Variants in DYNC1LI1 observed in about 807,000 individuals in gnomAD.
DYNC1LI1 encodes dynein cytoplasmic 1 light intermediate chain 1, also known as cytoplasmic dynein 1 light intermediate chain 1.
In DYNC1LI1, 19 loss-of-function variants were observed where a neutral mutation model predicts 63.8. That is an observed-to-expected ratio of 0.30 (90% CI 0.21 to 0.44). DYNC1LI1 has a LOEUF of 0.44. Ranked by LOEUF, DYNC1LI1 falls within the 20% of genes least tolerant of loss-of-function variation. The pLI, the probability that DYNC1LI1 is intolerant of heterozygous loss-of-function variation, is 1.00. For synonymous variants in DYNC1LI1, 225 were observed against 232.3 expected, an observed-to-expected ratio of 0.97 and a Z score of 0.28; for missense variants, 565 against 630.2, an observed-to-expected ratio of 0.90 and a Z score of 1.11.
intron 2 of DYNC1LI1, among the ~76,000 whole-genome samples, chr3:32,560,455 A>C (rs538936863): frequency 8.5e-4 from 130 of 152,134 alleles, no homozygotes; most frequent in African/African-American, 2.9e-3. Flanking sequence ...AATAAAATGA[A>C]TTCCAGCTCA....
At chr3:32,564,083 T>G (rs1413860687) in intron 2 of DYNC1LI1, among the ~76,000 whole-genome samples, 1 of 152,226 alleles carries the variant, frequency 6.6e-6, no homozygotes, top group African/African-American at 2.4e-5. Context: ...GGAGGATCAC[T>G]TTAGCCCAGG....
At chr3:32,554,553 C>T (rs1444803759) in intron 2 of DYNC1LI1, among the ~76,000 whole-genome samples, 1 of 152,166 alleles carries the variant, frequency 6.6e-6, no homozygotes, top group East Asian at 1.9e-4. Context: ...GAGGCCAAGG[C>T]TACAGTCACA....
intron 5 of DYNC1LI1, 89 bp downstream of exon 5, chr3:32,540,947 TA>T: frequency 1.1e-6 from 1 of 912,306 alleles, no homozygotes; most frequent in Non-Finnish European, 1.6e-6. Flanking sequence ...CTAGGAGAAC[TA>T]ATGTGTTAAC....
At chr3:32,529,405 T>C in intron 11 of DYNC1LI1, 135 bp downstream of exon 11, 1 of 710,536 alleles carries the variant, frequency 1.4e-6, no homozygotes, top group Non-Finnish European at 2.1e-6. Flanking sequence ...AACTATGAGA[T>C]TATATATCCA....
At chr3:32,550,877 C>G (rs1698028403) in intron 2 of DYNC1LI1, among the ~76,000 whole-genome samples, 1 of 151,918 alleles carries the variant, frequency 6.6e-6, no homozygotes, top group Admixed American at 6.6e-5. Flanking sequence ...CCTGCAAACC[C>G]AGAACTTTGG....
At chr3:32,550,900 G>A (rs1473027167) in intron 2 of DYNC1LI1, among the ~76,000 whole-genome samples, 1 of 152,040 alleles carries the variant, frequency 6.6e-6, no homozygotes, top group Non-Finnish European at 1.5e-5. Context: ...GCCGAGGCAG[G>A]TGGATCACTT....
chr3:32,554,515 AT>A (rs2125442170), intron 2 of DYNC1LI1, among the ~76,000 whole-genome samples: 1 of 152,312 alleles, frequency 6.6e-6, no homozygotes, highest in African/African-American at 2.4e-5. Flanking sequence ...ACTGTAATAA[AT>A]CCCCTCTTCT....
chr3:32,530,690 G>A (rs1697684664), intron 8 of DYNC1LI1, 170 bp from the exon 9 acceptor site: 1 of 602,292 alleles, frequency 1.7e-6, no homozygotes. Flanking sequence ...TTCAGCAGAG[G>A]TGTCCAGTAA....
At chr3:32,570,011 G>A in intron 2 of DYNC1LI1, 1 of 427,752 alleles carries the variant, frequency 2.3e-6, no homozygotes, top group Non-Finnish European at 4.3e-6. Context: ...TTTTTGTGAT[G>A]AAAGAAAACC....
At chr3:32,539,479 G>A (rs777109815) in intron 5 of DYNC1LI1, among the ~76,000 whole-genome samples, 63 of 151,978 alleles carry the variant, frequency 4.1e-4, no homozygotes, top group Non-Finnish European at 7.5e-4. Flanking sequence ...CATGACTTAC[G>A]AACAGTAAAA....
At chr3:32,548,188 C>T (rs575567070) in intron 2 of DYNC1LI1, among the ~76,000 whole-genome samples, 23 of 152,124 alleles carry the variant, frequency 1.5e-4, no homozygotes, top group African/African-American at 5.3e-4. Flanking sequence ...CTGTCAGGAA[C>T]GAGGCCACAC....
chr3:32,549,341 T>C (rs897192601), intron 2 of DYNC1LI1, among the ~76,000 whole-genome samples: 1 of 151,554 alleles, frequency 6.6e-6, no homozygotes, highest in African/African-American at 2.4e-5. Flanking sequence ...ATAATAAAAA[T>C]AATTTAAATC....
chr3:32,540,009 C>T (rs1018857440), intron 5 of DYNC1LI1, among the ~76,000 whole-genome samples: 11 of 151,310 alleles, frequency 7.3e-5, no homozygotes, highest in East Asian at 2.0e-4. Flanking sequence ...GGACTAAAGG[C>T]GCCCGCCACC....
chr3:32,540,254 G>T (rs1418820249), intron 5 of DYNC1LI1, among the ~76,000 whole-genome samples: 1 of 151,926 alleles, frequency 6.6e-6, no homozygotes, highest in Non-Finnish European at 1.5e-5. Flanking sequence ...TGATAATAGT[G>T]GTCCTATCAG....
intron 3 of DYNC1LI1, 97 bp downstream of exon 3, chr3:32,545,752 A>C: frequency 2.4e-6 from 2 of 816,502 alleles, no homozygotes; most frequent in Non-Finnish European, 2.1e-6. Context: ...CAGAACTTCT[A>C]GTAAAAAATT....
At position 32,570,635 on chromosome 3, in the gene DYNC1LI1, G is replaced by C; in HGVS notation, c.136C>G (p.Gln46Glu). ...GAAAGDDEDG[Q>E]NLWSCILSEV... ...AGGTGGAGTCGTTACCAAAGGTTCTGCCCGTCCTCGTCGTCGCCTGCCGCG... is the reference window on the plus strand; with the variant it reads ...AGGTGGAGTCGTTACCAAAGGTTCTCCCCGTCCTCGTCGTCGCCTGCCGCG... The change falls in exon 1 of 13, where the codon CAG (glutamine) becomes GAG (glutamate). Residue 46 changes from glutamine to glutamate, a missense_variant. Gln to Glu is a conservative substitution (Grantham distance 29). Transcript: ENST00000273130. The C allele has an allele frequency of 6.3e-7, 1 of 1,581,306 alleles. No homozygotes were observed. Among genetic ancestry groups the C allele is most frequent in the South Asian group, 1.1e-5 (1 of 87,022 alleles).
At chr3:32,570,582 C>A in intron 1 of DYNC1LI1, 43 bp downstream of exon 1, 1 of 1,542,340 alleles carries the variant, frequency 6.5e-7, no homozygotes, top group African/African-American at 1.4e-5. Context: ...CCGCGCAAGG[C>A]CGGGGGAGCC....
chr3:32,545,707 C>G (rs1039733693), intron 3 of DYNC1LI1, 142 bp downstream of exon 3: 4 of 699,416 alleles, frequency 5.7e-6, no homozygotes, highest in Non-Finnish European at 1.0e-5. Flanking sequence ...AAAAGTATGG[C>G]TAAACATAGC....
intron 2 of DYNC1LI1, among the ~76,000 whole-genome samples, chr3:32,566,940 GAA>G (rs1387664481): frequency 6.6e-6 from 1 of 152,146 alleles, no homozygotes; most frequent in East Asian, 1.9e-4. Context: ...TTTCAAGAAA[GAA>G]GAGTTAATAT....
Sources: allele counts gnomAD v4.1 joint callset (sites outside exome capture counted in the v4.1 genomes callset), GRCh38; gene constraint gnomAD v4.1.1; transcripts MANE v1.5; gene names NCBI Gene and HGNC (gene_info 2026-07-23, HGNC 2026-07-21).